IGSF10: variants seen among roughly 807,000 people sequenced by gnomAD.
IGSF10 encodes the protein calvaria mechanical force protein 608.
A neutral mutation model predicts 128.2 loss-of-function variants in IGSF10; 126 were observed. The observed-to-expected ratio is 0.98, with a 90% CI of 0.85 to 1.14. The LOEUF (loss-of-function observed/expected upper bound fraction) is 1.14. IGSF10 is among the 50% of genes most tolerant of loss of function. The pLI is 0.00. For synonymous variants in IGSF10, 1,185 were observed against 1,146.2 expected (o/e 1.03, Z -0.68); for missense variants, 3,295 against 3,149.8 (o/e 1.05, Z -1.10).
chr3:151,489,843 G>A, the IGSF10 span, among the ~76,000 whole-genome samples: 2 of 152,086 alleles, frequency 1.3e-5, no homozygotes, highest in African/African-American at 2.4e-5. Flanking sequence ...CTAGGGGAGG[G>A]ATAGCATTAG....
At chr3:151,465,808 G>T (rs1401980733), upstream of IGSF10, among the ~76,000 whole-genome samples, 3 of 152,138 alleles carry the variant, frequency 2.0e-5, no homozygotes, top group African/African-American at 4.8e-5. Context: ...GAGTCCTTGT[G>T]GATGAACTGT....
Position 151,461,049 on chromosome 3 carries a change from G to C in IGSF10, c.-192C>G. 1.0e-6 allele frequency: 1 copy of C among 985,416 alleles called. No individual in the cohort carries two copies. The highest frequency in any genetic ancestry group is 1.2e-6 in the Non-Finnish European group (1 of 829,922). 61.0% of individuals were successfully genotyped at this position (985,416 alleles called of 1,614,324 possible). A position where few individuals can be genotyped will look rare whatever the true frequency, so the allele number is the denominator to read the frequency against. ...CGTGCGGAGCTGGTCCGGAGCTCTG[G>C]GAGGGAAGGAAGGAAGGCGGAGCGA... On this transcript the variant is annotated 5_prime_UTR_variant, in exon 1 of 8. Coordinates refer to ENST00000282466, the MANE Select transcript of IGSF10 (RefSeq NM_178822.5).
At chr3:151,485,162 T>C in the IGSF10 span, among the ~76,000 whole-genome samples, 1,892 of 152,072 alleles carry the variant, frequency 0.012, 50 homozygotes, top group African/African-American at 0.044. Context: ...CATACATAAG[T>C]ATCAATAGCC....
the IGSF10 span, among the ~76,000 whole-genome samples, chr3:151,535,036 T>C: frequency 5.9e-5 from 9 of 152,002 alleles, no homozygotes; most frequent in Non-Finnish European, 8.8e-5. Context: ...AAAAAAGCTA[T>C]CTACATTTCA....
intron 2 of IGSF10, among the ~76,000 whole-genome samples, chr3:151,459,986 A>G (rs1721976490): frequency 6.6e-6 from 1 of 152,242 alleles, no homozygotes; most frequent in Non-Finnish European, 1.5e-5. Context: ...AGGATTAATC[A>G]TATGACCACT....
the IGSF10 span, among the ~76,000 whole-genome samples, chr3:151,489,734 C>T: frequency 6.6e-6 from 1 of 152,114 alleles, no homozygotes. Context: ...GAAAACCAAA[C>T]ACCACATGTT....
At chr3:151,442,380 A>ATTTT (rs3975405) in intron 7 of IGSF10, among the ~76,000 whole-genome samples, 72,478 of 124,084 alleles carry the variant, frequency 0.58, 22,875 homozygotes, top group Middle Eastern at 0.72. Context: ...TACAATTACT[A>ATTTT]TTTTTTTTTT....
chr3:151,563,360 T>G, the IGSF10 span, among the ~76,000 whole-genome samples: 1 of 152,102 alleles, frequency 6.6e-6, no homozygotes, highest in African/African-American at 2.4e-5. Context: ...TAATAAAATG[T>G]CCTAACTTGG....
chr3:151,600,664 T>G, the IGSF10 span, among the ~76,000 whole-genome samples: 1 of 152,176 alleles, frequency 6.6e-6, no homozygotes, highest in Admixed American at 6.5e-5. Flanking sequence ...ATTTTAACTT[T>G]GAAAATATTG....
chr3:151,512,171 A>G, the IGSF10 span, among the ~76,000 whole-genome samples: 1 of 152,092 alleles, frequency 6.6e-6, no homozygotes, highest in African/African-American at 2.4e-5. Flanking sequence ...ATTCTTTTCA[A>G]CACCACACCA....
chr3:151,594,312 T>C, the IGSF10 span, among the ~76,000 whole-genome samples: 3 of 151,620 alleles, frequency 2.0e-5, no homozygotes, highest in African/African-American at 2.4e-5. Flanking sequence ...GATTCCATTA[T>C]GTAACTGAAT....
the IGSF10 span, among the ~76,000 whole-genome samples, chr3:151,593,485 G>A: frequency 6.6e-6 from 1 of 151,348 alleles, no homozygotes; most frequent in Non-Finnish European, 1.5e-5. Context: ...GGCAAATTAT[G>A]TCTTTTTTTT....
the IGSF10 span, among the ~76,000 whole-genome samples, chr3:151,617,917 T>TAAG: frequency 7.9e-5 from 12 of 152,308 alleles, no homozygotes; most frequent in South Asian, 2.5e-3. Context: ...TAGCATGCTC[T>TAAG]AGCCCCCTCA....
chr3:151,609,385 A>AAT, the IGSF10 span, among the ~76,000 whole-genome samples: 1 of 152,168 alleles, frequency 6.6e-6, no homozygotes. Flanking sequence ...AAGTTACCCG[A>AAT]TCTTCTGTAC....
At chr3:151,527,778 T>C in the IGSF10 span, among the ~76,000 whole-genome samples, 1 of 146,938 alleles carries the variant, frequency 6.8e-6, no homozygotes, top group Non-Finnish European at 1.5e-5. Flanking sequence ...GGTGACACCC[T>C]GTCTCTACAA....
chr3:151,496,053 T>C, the IGSF10 span, among the ~76,000 whole-genome samples: 2 of 152,146 alleles, frequency 1.3e-5, no homozygotes, highest in Non-Finnish European at 2.9e-5. Flanking sequence ...AAAAAACTTA[T>C]GAAACACGTT....
chr3:151,481,714 AT>A, the IGSF10 span, among the ~76,000 whole-genome samples: 1 of 152,108 alleles, frequency 6.6e-6, no homozygotes, highest in African/African-American at 2.4e-5. Flanking sequence ...CCAAGCACCT[AT>A]GTCCTGGATT....
At chr3:151,440,648 C>CA in intron 7 of IGSF10, 1 of 456,666 alleles carries the variant, frequency 2.2e-6, no homozygotes, top group South Asian at 1.5e-5. Context: ...CTAATGCTTT[C>CA]TAAAAGTATT....
At chr3:151,470,521 G>A in the IGSF10 span, among the ~76,000 whole-genome samples, 4 of 152,084 alleles carry the variant, frequency 2.6e-5, no homozygotes, top group African/African-American at 9.7e-5. Flanking sequence ...CCTTTACCTT[G>A]GGAAGACAGT....
Sources: gnomAD v4.1 joint callset for allele counts (sites outside exome capture counted in the v4.1 genomes callset) on GRCh38, gnomAD v4.1.1 for gene constraint, MANE v1.5 for transcripts, NCBI Gene and HGNC (gene_info 2026-07-23, HGNC 2026-07-21) for gene names.